The following IL7 variants were observed in gnomAD, a reference collection of about 807,000 sequenced individuals.
The protein encoded by IL7 is interleukin-7.
In IL7, 3 loss-of-function variants were observed where a neutral mutation model predicts 21.6. The ratio of observed to expected loss-of-function variants is 0.14; its 90% CI spans 0.06 to 0.36. IL7 has a LOEUF of 0.36. IL7 is among the 10% of genes least tolerant of loss of function. The pLI is 1.00. For synonymous variants in IL7, 62 were observed against 68.1 expected (o/e 0.91, Z 0.44); for missense variants, 175 against 200.2 (o/e 0.87, Z 0.76).
chr8:78,710,081 T>C (rs1001608317), intron 3 of IL7, among the ~76,000 whole-genome samples: 17 of 152,204 alleles, frequency 1.1e-4, no homozygotes, highest in Non-Finnish European at 2.5e-4. Context: ...AGGGATAGGT[T>C]GATATCGTCA....
At chr8:78,698,504 C>G (rs1345959075) in intron 3 of IL7, 3 of 1,606,990 alleles carry the variant, frequency 1.9e-6, no homozygotes, top group East Asian at 2.2e-5. Flanking sequence ...ATAGCAGCCC[C>G]TCATGCAGGG....
intron 5 of IL7, chr8:78,719,855 A>G (rs932971578): frequency 5.3e-5 from 8 of 151,982 alleles, no homozygotes; most frequent in African/African-American, 1.7e-4. Flanking sequence ...AGTCAAAAAT[A>G]ACAGATTTTT....
chr8:78,795,739 T>C (rs141097075), intron 2 of IL7, among the ~76,000 whole-genome samples: 55 of 152,268 alleles, frequency 3.6e-4, no homozygotes, highest in African/African-American at 1.3e-3. Context: ...ATTAATTTAG[T>C]AGCATCATCA....
At chr8:78,729,800 AG>A (rs1157682577), downstream of IL7, among the ~76,000 whole-genome samples, 2 of 152,032 alleles carry the variant, frequency 1.3e-5, no homozygotes, top group African/African-American at 4.8e-5. Flanking sequence ...TTAAAGTTTT[AG>A]GTTAAAGTTC....
At chr8:78,723,354 C>G (rs1438647558) in intron 3 of IL7, among the ~76,000 whole-genome samples, 2 of 151,830 alleles carry the variant, frequency 1.3e-5, no homozygotes, top group East Asian at 3.9e-4. Flanking sequence ...ATCATTAGCC[C>G]TAGAGAACTA....
intron 4 of IL7, 44 bp from the exon 5 acceptor site, chr8:78,736,571 T>G: frequency 7.9e-7 from 1 of 1,267,946 alleles, no homozygotes; most frequent in South Asian, 1.3e-5. Flanking sequence ...ATTTCTTCAT[T>G]GCTCCTCCAG....
At chr8:78,761,780 A>C (rs1812568432) in intron 2 of IL7, 1 of 1,612,030 alleles carries the variant, frequency 6.2e-7, no homozygotes, top group African/African-American at 1.3e-5. Flanking sequence ...CCGCTTTCTC[A>C]GAACCTCTTC....
rs762037062 is a variant in IL7 at position 78,738,511 on chromosome 8, G to A, written c.353C>T (p.Thr118Ile). ...SEGTTILLNC[T>I]GQVKGRKPAA... ...AAATAGTCCTTAGCTTACCTGGCCA[G>A]TGCAGTTCAACAGTATTGTTGTGCC... The change falls in exon 4 of 6, where the codon ACT becomes ATT. Residue 118 changes from threonine (T) to isoleucine (I), a missense_variant. Physicochemically the swap from Thr to Ile is moderately conservative, Grantham distance 89. Coordinates refer to ENST00000263851, the MANE Select transcript of IL7 (RefSeq NM_000880.4). 5 of 1,613,042 alleles carry A rather than the reference G, an allele frequency of 3.1e-6. No individual in the cohort carries two copies. In the East Asian group the frequency reaches 1.1e-4, roughly 36 times the overall value.
At chr8:78,677,802 G>A (rs1419033495) in intron 4 of IL7, among the ~76,000 whole-genome samples, 4 of 152,152 alleles carry the variant, frequency 2.6e-5, no homozygotes, top group South Asian at 2.1e-4. Context: ...GGGCGAGTTC[G>A]CAGTGCAAAG....
chr8:78,794,127 C>T (rs537764590), intron 2 of IL7, among the ~76,000 whole-genome samples: 2 of 152,226 alleles, frequency 1.3e-5, no homozygotes, highest in African/African-American at 2.4e-5. Flanking sequence ...TTCCGAACTC[C>T]TGTTAATGTG....
chr8:78,693,122 A>G (rs1012252781), intron 3 of IL7, among the ~76,000 whole-genome samples: 1 of 151,992 alleles, frequency 6.6e-6, no homozygotes, highest in Non-Finnish European at 1.5e-5. Flanking sequence ...TTCTTAATCC[A>G]GTCTATCATT....
chr8:78,804,718 G>T (rs1233424834), intron 1 of IL7, among the ~76,000 whole-genome samples, 195 bp downstream of exon 1: 6 of 152,192 alleles, frequency 3.9e-5, no homozygotes, highest in African/African-American at 1.4e-4. Context: ...GCCGCCCCAG[G>T]TTCAAGTGGC....
intron 3 of IL7, among the ~76,000 whole-genome samples, chr8:78,711,176 T>G (rs1010283164): frequency 1.3e-5 from 2 of 152,276 alleles, no homozygotes; most frequent in African/African-American, 4.8e-5. Flanking sequence ...GATGTGTTAT[T>G]CAGTAGCAAA....
At chr8:78,681,390 C>T (rs7823723) in intron 4 of IL7, among the ~76,000 whole-genome samples, 113,047 of 152,152 alleles carry the variant, frequency 0.74, 43,060 homozygotes, top group East Asian at 0.91. Flanking sequence ...GTAATAATCA[C>T]AGAGCAGATG....
chr8:78,688,041 A>G (rs1810083290), intron 3 of IL7, among the ~76,000 whole-genome samples: 2 of 149,790 alleles, frequency 1.3e-5, no homozygotes, highest in African/African-American at 4.9e-5. Context: ...TTCATTTACA[A>G]AGACAGGCAA....
chr8:78,803,219 C>T (rs906069338), intron 1 of IL7, among the ~76,000 whole-genome samples: 2 of 151,994 alleles, frequency 1.3e-5, no homozygotes, highest in East Asian at 1.9e-4. Context: ...GGCTGGAGGA[C>T]AGTGGTAAGA....
At chr8:78,690,725 T>A (rs1163816535) in intron 3 of IL7, among the ~76,000 whole-genome samples, 1 of 152,204 alleles carries the variant, frequency 6.6e-6, no homozygotes, top group African/African-American at 2.4e-5. Flanking sequence ...AGTTGTTCAG[T>A]TCATGAACCT....
chr8:78,687,864 C>A (rs1435577082), intron 3 of IL7, among the ~76,000 whole-genome samples: 62 of 32,358 alleles, frequency 1.9e-3, no homozygotes, highest in South Asian at 0.012. Context: ...TAATATATAT[C>A]TATATAATAA....
rs771807000 is a variant in IL7 at position 78,732,972 on chromosome 8, T to A, written c.*741A>T. ...AAACTTATTTAGACAAGTTATAATC[T>A]ATATAAATGACAATGTAACTCAGTA... is the stretch of plus-strand genomic sequence containing the variant. On this transcript the variant is annotated 3_prime_UTR_variant, in exon 6 of 6. Coordinates refer to ENST00000263851, the MANE Select transcript of IL7 (RefSeq NM_000880.4). The A allele has an allele frequency of 3.3e-5, 5 of 152,106 alleles. No individual in the cohort carries two copies. Among genetic ancestry groups the A allele is most frequent in the Non-Finnish European group, 7.4e-5 (5 of 67,980 alleles). 9.4% of individuals were successfully genotyped at this position (152,106 alleles called of 1,614,324 possible).
Sources: gnomAD v4.1 joint callset for allele counts (sites outside exome capture counted in the v4.1 genomes callset) on GRCh38, gnomAD v4.1.1 for gene constraint, MANE v1.5 for transcripts, NCBI Gene and HGNC (gene_info 2026-07-23, HGNC 2026-07-21) for gene names.